The following PLCD1 variants were observed in gnomAD, a reference collection of about 807,000 sequenced individuals.
PLCD1 encodes the protein phospholipase C delta 1.
Under a neutral mutation model 87.4 loss-of-function variants are expected in PLCD1, and 71 were observed. The observed-to-expected ratio is 0.81, with a 90% CI of 0.67 to 0.99. PLCD1 has a LOEUF of 0.99. Ranked by LOEUF, PLCD1 falls within the 50% of genes least tolerant of loss-of-function variation. PLCD1 has a pLI of 0.00. For synonymous variants in PLCD1, 348 were observed against 399.2 expected, an observed-to-expected ratio of 0.87 and a Z score of 1.53; for missense variants, 867 against 1,001.5, an observed-to-expected ratio of 0.87 and a Z score of 1.81.
chr3:38,008,073 G>A lies in PLCD1; in HGVS notation c.2126C>T (p.Ala709Val). Residue 709 changes from alanine to valine, a missense_variant, in exon 14 of 15, where the codon GCC (alanine) becomes GTC (valine). Physicochemically the swap from Ala to Val is moderately conservative, Grantham distance 64. Coordinates refer to ENST00000334661, the MANE Select transcript of PLCD1 (RefSeq NM_006225.4). ...GCCAATGAAGTCATTCTTGGAGGAG[G>A]CATCATAATCTTCCACCAAGAAGCG... is the stretch of plus-strand genomic sequence containing the variant. ...LIRFLVEDYD[A>V]SSKNDFIGQS... 3 of 1,614,168 alleles carry A rather than the reference G, an allele frequency of 1.9e-6. No individual in the cohort carries two copies. The highest frequency in any genetic ancestry group is 1.1e-5 in the South Asian group (1 of 91,084).
At chr3:38,014,847 T>C (rs573771762) in intron 3 of PLCD1, among the ~76,000 whole-genome samples, 2 of 152,292 alleles carry the variant, frequency 1.3e-5, no homozygotes, top group Non-Finnish European at 2.9e-5. Context: ...AAAGAAGATA[T>C]ATAAACGTAC....
At chr3:38,011,055 G>A (rs974985688) in intron 5 of PLCD1, among the ~76,000 whole-genome samples, 159 bp downstream of exon 5, 3 of 152,228 alleles carry the variant, frequency 2.0e-5, no homozygotes, top group Non-Finnish European at 2.9e-5. Flanking sequence ...CTCATCTGCC[G>A]GCTTTCATAG....
In PLCD1 at chr3:38,009,738, G is replaced by A; in HGVS notation, c.1361C>T (p.Pro454Leu). ...TTCGTCTGACACCACAGTGGCCTCA[G>A]GGCCACCCTCCCCTCCAGGGGGCAG... ...GLLPPGGEGG[P>L]EATVVSDEDE... The change falls in exon 9 of 15, where the codon CCT becomes CTT. Residue 454 changes from proline (P) to leucine (L), a missense_variant. Pro to Leu is a moderately conservative substitution (Grantham distance 98). Transcript: ENST00000334661. The A allele has an allele frequency of 6.2e-7, 1 of 1,613,988 alleles. No individual in the cohort carries two copies. The highest frequency in any genetic ancestry group is 8.5e-7 in the Non-Finnish European group (1 of 1,179,896).
chr3:38,024,727 G>C, intron 1 of PLCD1: 4 of 1,420,250 alleles, frequency 2.8e-6, no homozygotes, highest in Non-Finnish European at 3.7e-6. Context: ...AGGCGAGAGC[G>C]AAACCGAGGC....
chr3:38,013,134 C>T (rs558198390), intron 3 of PLCD1, among the ~76,000 whole-genome samples: 3 of 152,212 alleles, frequency 2.0e-5, no homozygotes, highest in Admixed American at 1.3e-4. Flanking sequence ...AAGCGATCCA[C>T]CTGCCTCAGC....
At chr3:38,020,116 G>T in intron 2 of PLCD1, 72 bp downstream of exon 2, 1 of 1,370,770 alleles carries the variant, frequency 7.3e-7, no homozygotes, top group South Asian at 1.2e-5. Context: ...ATCCATGACT[G>T]ACCTTTGTAT....
intron 1 of PLCD1, chr3:38,024,245 A>G: frequency 8.6e-7 from 1 of 1,161,948 alleles, no homozygotes; most frequent in Non-Finnish European, 1.2e-6. Context: ...CTCCAAGGCA[A>G]ATGGCCCCGC....
intron 1 of PLCD1, chr3:38,024,289 C>T: frequency 6.5e-7 from 1 of 1,548,610 alleles, no homozygotes; most frequent in Non-Finnish European, 8.9e-7. Context: ...CCTGCTCCAG[C>T]TGCCTTCCCA....
In PLCD1 at chr3:38,007,639, A is replaced by C. The variant is rs761887792; in HGVS notation, c.*134T>G. ...GGTCCCCAGGGAGGCAGCAGCAGAC[A>C]CTATGTTAGGGCTGAAGGCAATTTG... On this transcript the variant is annotated 3_prime_UTR_variant, in exon 15 of 15. Coordinates refer to ENST00000334661, the MANE Select transcript of PLCD1 (RefSeq NM_006225.4). 1 of 735,416 alleles carries C rather than the reference A, an allele frequency of 1.4e-6. No individual in the cohort carries two copies. Among genetic ancestry groups the C allele is most frequent in the Non-Finnish European group, 2.5e-6 (1 of 407,738 alleles). 45.6% of individuals were successfully genotyped at this position (735,416 alleles called of 1,614,324 possible).
Position 38,018,686 on chromosome 3 carries a change from G to A in PLCD1, c.199+1502C>T, listed in dbSNP as rs1270627717. ...GGAATCCCCAGGGCTCAGAGTATAAGATCCCCATTCTCACTGTGCTCCCAC... is the reference window on the plus strand; with the variant it reads ...GGAATCCCCAGGGCTCAGAGTATAAAATCCCCATTCTCACTGTGCTCCCAC... On this transcript the variant is annotated intron_variant, in intron 2 of 14. Transcript: ENST00000334661. The surrounding 1 kb of genome is among the most constrained non-coding windows in gnomAD (Gnocchi z 5.7). Among the ~76,000 whole-genome samples the A allele has an allele frequency of 2.0e-5, 3 of 152,094 alleles. No individual in the cohort carries two copies. The highest frequency in any genetic ancestry group is 4.4e-5 in the Non-Finnish European group (3 of 68,010).
At chr3:38,022,400 T>A (rs1700248685) in intron 1 of PLCD1, among the ~76,000 whole-genome samples, 1 of 152,226 alleles carries the variant, frequency 6.6e-6, no homozygotes, top group Non-Finnish European at 1.5e-5. Context: ...CTAAGGCTGA[T>A]GTCCCTCTAA....
At chr3:38,023,945 G>A (rs1700270101) in intron 1 of PLCD1, among the ~76,000 whole-genome samples, 1 of 148,262 alleles carries the variant, frequency 6.7e-6, no homozygotes. Flanking sequence ...GATCACCACT[G>A]TCACACCCAT....
rs1193394212 is a variant in PLCD1, at chr3:38,011,365, C to A, written c.639G>T (p.Glu213Asp). Residue 213 changes from glutamate (E) to aspartate (D), a missense_variant, in exon 5 of 15, where the codon GAG becomes GAT. Glu to Asp is a conservative substitution (Grantham distance 45). Transcript: ENST00000334661. ...AFYKMLTQRV[E>D]IDRTFAEAAG... ...CGGCCTCGGCGAAGGTGCGGTCGAT[C>A]TCCACCCGCTGGGTCAGCATCTTGT... 1 of 1,613,198 alleles carries A rather than the reference C, an allele frequency of 6.2e-7. No individual in the cohort carries two copies. Among genetic ancestry groups the A allele is most frequent in the Non-Finnish European group, 8.5e-7 (1 of 1,180,044 alleles).
intron 14 of PLCD1, 69 bp from the exon 15 acceptor site, chr3:38,007,927 A>C: frequency 6.2e-7 from 1 of 1,604,264 alleles, no homozygotes; most frequent in Non-Finnish European, 8.5e-7. Context: ...GGGGGGGTGG[A>C]TGCGTCAAGG....
rs377002494 is a variant in PLCD1 at position 38,021,617 on chromosome 3, G to T, written c.35-1265C>A. On this transcript the variant is annotated intron_variant, in intron 1 of 14. Transcript: ENST00000334661. The stretch of plus-strand genomic sequence containing the variant: ...CATCTATAAGGGCGTATGTGTGCGT[G>T]TATCACCCTAGCCACGTACATAGTC... Among the ~76,000 whole-genome samples the T allele has an allele frequency of 1.7e-4, 26 of 152,328 alleles. No individual in the cohort carries two copies. In the South Asian group the frequency reaches 3.1e-3, roughly 18 times the overall value.
At chr3:38,008,718 C>G (rs1218996875) in intron 11 of PLCD1, 82 bp from the exon 12 acceptor site, 3 of 1,278,178 alleles carry the variant, frequency 2.3e-6, no homozygotes, top group Non-Finnish European at 3.4e-6. Flanking sequence ...ACACTAAGGC[C>G]TAGGGTCACA....
In PLCD1 at chr3:38,025,421, C is replaced by T. The variant is rs1014952688; in HGVS notation, c.34+4085G>A. Among the ~76,000 whole-genome samples the T allele has an allele frequency of 6.6e-6, 1 of 152,084 alleles. No individual in the cohort carries two copies. The highest frequency in any genetic ancestry group is 1.5e-5 in the Non-Finnish European group (1 of 67,994). Reference sequence around the variant, plus strand: ...GGGACCTGAGTGGGGCGAGATCAGGCGGGACCGGGGATGGAGCCTGGGCCA... The same window carrying T: ...GGGACCTGAGTGGGGCGAGATCAGGTGGGACCGGGGATGGAGCCTGGGCCA... On this transcript the variant is annotated intron_variant, in intron 1 of 14. Coordinates refer to ENST00000334661, the MANE Select transcript of PLCD1 (RefSeq NM_006225.4). This position sits in a 1 kb window ranked among gnomAD's most constrained non-coding sequence, Gnocchi z 4.0.
rs1379636871 is a variant in PLCD1, at chr3:38,020,339, A to T, written c.48T>A (p.Asp16Glu). Residue 16 changes from aspartate to glutamate, a missense_variant, in exon 2 of 15, where the codon GAT becomes GAA. By Grantham distance (45) the Asp-to-Glu change is conservative. Transcript: ENST00000334661. The stretch of plus-strand genomic sequence containing the variant: ...CCTTCAGCAGCGCCTGTAGATCCTC[A>T]TCATCCTGTAGGCCTGGGGATCAAA... ...DFLTLHGLQD[D>E]EDLQALLKGS... 6.2e-7 allele frequency: 1 copy of T among 1,613,942 alleles called. No individual in the cohort carries two copies. The highest frequency in any genetic ancestry group is 1.7e-5 in the Admixed American group (1 of 60,026).
At chr3:38,016,354 G>A in intron 3 of PLCD1, 137 bp downstream of exon 3, 4 of 702,616 alleles carry the variant, frequency 5.7e-6, no homozygotes, top group Non-Finnish European at 1.0e-5. Context: ...AATAAATTAT[G>A]CTGTTTAAGC....
Sources: allele counts gnomAD v4.1 joint callset (sites outside exome capture counted in the v4.1 genomes callset), GRCh38; gene constraint gnomAD v4.1.1; non-coding constraint Gnocchi (gnomAD v3.1); transcripts MANE v1.5; gene names NCBI Gene and HGNC (gene_info 2026-07-23, HGNC 2026-07-21).